Variants in LIPC observed in about 807,000 individuals in gnomAD.
The protein encoded by LIPC is hepatic triacylglycerol lipase.
A neutral mutation model predicts 50.7 loss-of-function variants in LIPC; 44 were observed. That is an observed-to-expected ratio of 0.87 (90% CI 0.68 to 1.11). The LOEUF is 1.11. Among genes scored for constraint, LIPC ranks in the 50% most tolerant of loss-of-function variants. LIPC has a pLI of 0.00. For synonymous variants in LIPC, 271 were observed against 256.4 expected, an observed-to-expected ratio of 1.06 and a Z score of -0.54; for missense variants, 697 against 648.2, an observed-to-expected ratio of 1.08 and a Z score of -0.82.
chr15:58,450,177 G>A (rs780526107), intron 1 of LIPC, among the ~76,000 whole-genome samples: 12 of 152,174 alleles, frequency 7.9e-5, no homozygotes, highest in Admixed American at 3.3e-4. Flanking sequence ...GGTCTTTCGC[G>A]TTTCTGAGCG....
rs111714545 is a variant in LIPC, at chr15:58,543,075, T to A, written c.574+424T>A. ...TCCACATTTGTGAAACGTGTATGTTTTAGTCTGGGACCCATTTGGGTTGAG... is the reference window on the plus strand; with the variant it reads ...TCCACATTTGTGAAACGTGTATGTTATAGTCTGGGACCCATTTGGGTTGAG... On this transcript the variant is annotated intron_variant, in intron 4 of 8. Coordinates refer to ENST00000299022, the MANE Select transcript of LIPC (RefSeq NM_000236.3). 4.4e-3 allele frequency among the ~76,000 whole-genome samples: 672 copies of A among 152,296 alleles called. 4 individuals carry two copies. Among genetic ancestry groups the A allele is most frequent in the African/African-American group, 0.015 (644 of 41,552 alleles).
chr15:58,550,113 C>G (rs1893691685), intron 6 of LIPC, among the ~76,000 whole-genome samples: 1 of 152,152 alleles, frequency 6.6e-6, no homozygotes, highest in Admixed American at 6.5e-5. Context: ...ACAAAAAGCT[C>G]TTGGCAGACC....
At chr15:58,499,791 G>A (rs1328520634) in intron 1 of LIPC, among the ~76,000 whole-genome samples, 2 of 152,220 alleles carry the variant, frequency 1.3e-5, no homozygotes, top group Non-Finnish European at 2.9e-5. Context: ...CCTGGTCTAA[G>A]TGAGGTTGGA....
At chr15:58,483,508 G>T (rs1282358083) in intron 1 of LIPC, among the ~76,000 whole-genome samples, 1 of 152,180 alleles carries the variant, frequency 6.6e-6, no homozygotes, top group Non-Finnish European at 1.5e-5. Context: ...GGTTGGAGAG[G>T]AGGCTGCTGT....
chr15:58,464,585 A>G (rs528915699), intron 1 of LIPC, among the ~76,000 whole-genome samples: 1 of 152,334 alleles, frequency 6.6e-6, no homozygotes, highest in Admixed American at 6.5e-5. Context: ...CTTGGGTAGT[A>G]GCCAATTTTC....
chr15:58,563,130 A>T lies in LIPC; in HGVS notation c.1170-375A>T, dbSNP rs376120629. On this transcript the variant is annotated intron_variant, in intron 7 of 8. Coordinates refer to ENST00000299022, the MANE Select transcript of LIPC (RefSeq NM_000236.3). Reference sequence around the variant, plus strand: ...TTGGGAGAGAGTGCATGCTGCAGGCATACTATGTTAAACCTACAGAGAGCT... The same window carrying T: ...TTGGGAGAGAGTGCATGCTGCAGGCTTACTATGTTAAACCTACAGAGAGCT... 2.6e-5 allele frequency among the ~76,000 whole-genome samples: 4 copies of T among 152,284 alleles called. No homozygotes were observed. In the South Asian group the frequency reaches 8.3e-4, roughly 32 times the overall value.
At chr15:58,456,556 G>T (rs922642235) in intron 1 of LIPC, among the ~76,000 whole-genome samples, 1 of 152,232 alleles carries the variant, frequency 6.6e-6, no homozygotes, top group Non-Finnish European at 1.5e-5. Flanking sequence ...GTGCTGGGGG[G>T]TGAATAGAGA....
chr15:58,461,887 A>T (rs145540531), intron 1 of LIPC, among the ~76,000 whole-genome samples: 153 of 149,376 alleles, frequency 1.0e-3, no homozygotes, highest in African/African-American at 3.7e-3. Context: ...TTCACACCTT[A>T]CTCTGTCCAC....
chr15:58,477,423 A>G (rs1432741695), intron 1 of LIPC, among the ~76,000 whole-genome samples: 1 of 152,234 alleles, frequency 6.6e-6, no homozygotes, highest in African/African-American at 2.4e-5. Flanking sequence ...TGTTAGGGAC[A>G]GAAATGAAAA....
intron 1 of LIPC, among the ~76,000 whole-genome samples, chr15:58,489,219 G>A (rs866390841): frequency 0.05 from 3,339 of 66,160 alleles, 1,058 homozygotes; most frequent in African/African-American, 0.2. Context: ...TTTTGTTGCG[G>A]GGGCGGGGGG....
chr15:58,513,920 A>G (rs1372200417), intron 1 of LIPC, among the ~76,000 whole-genome samples: 1 of 152,328 alleles, frequency 6.6e-6, no homozygotes, highest in Admixed American at 6.5e-5. Context: ...ACATCTCCCC[A>G]GCCTTTGCCA....
At chr15:58,500,752 C>T (rs1157085600) in intron 1 of LIPC, among the ~76,000 whole-genome samples, 4 of 137,888 alleles carry the variant, frequency 2.9e-5, no homozygotes, top group East Asian at 4.6e-4. Context: ...CCCCCCTCTC[C>T]CCCCACCACC....
intron 6 of LIPC, among the ~76,000 whole-genome samples, chr15:58,550,819 T>G (rs1215636423): frequency 1.4e-5 from 2 of 139,024 alleles, no homozygotes; most frequent in Non-Finnish European, 3.0e-5. Context: ...CTCCTTTTCT[T>G]TCTTACTTTT....
At position 58,514,212 on chromosome 15, in the gene LIPC, C is replaced by T. The variant is rs140506681; in HGVS notation, c.89-24121C>T. 2.2e-3 allele frequency among the ~76,000 whole-genome samples: 342 copies of T among 152,270 alleles called. 1 individual carries two copies. Among genetic ancestry groups the T allele is most frequent in the African/African-American group, 7.8e-3 (323 of 41,542 alleles). On this transcript the variant is annotated intron_variant, in intron 1 of 8. Transcript: ENST00000299022. ...CACTTTCTAGCTGTGTGGCTGAGCA[C>T]GCTTCTCGCCCTTTCTAAGTCTTGG...
intron 1 of LIPC, among the ~76,000 whole-genome samples, chr15:58,444,471 C>T (rs561169414): frequency 6.6e-6 from 1 of 152,284 alleles, no homozygotes; most frequent in East Asian, 1.9e-4. Flanking sequence ...GGACAGAGGA[C>T]CACAGACTGG....
At chr15:58,461,768 G>A (rs1327189291) in intron 1 of LIPC, among the ~76,000 whole-genome samples, 3 of 151,952 alleles carry the variant, frequency 2.0e-5, no homozygotes, top group Admixed American at 1.3e-4. Flanking sequence ...ATGTGCCGAA[G>A]AAAGGAACAA....
intron 1 of LIPC, among the ~76,000 whole-genome samples, chr15:58,453,708 C>A (rs1171878783): frequency 6.6e-6 from 1 of 151,790 alleles, no homozygotes; most frequent in Non-Finnish European, 1.5e-5. Context: ...CAAGACCAGC[C>A]TGGGCAATAT....
intron 1 of LIPC, among the ~76,000 whole-genome samples, chr15:58,478,247 T>A (rs543738736): frequency 6.6e-6 from 1 of 152,300 alleles, no homozygotes; most frequent in East Asian, 1.9e-4. Context: ...TTTTGTTAGT[T>A]TGTTTGTTTG....
At chr15:58,517,690 C>T (rs1167144821) in intron 1 of LIPC, among the ~76,000 whole-genome samples, 1 of 152,114 alleles carries the variant, frequency 6.6e-6, no homozygotes, top group Non-Finnish European at 1.5e-5. Flanking sequence ...GAAACCCTGC[C>T]GAAACTATTC....
Sources: gnomAD v4.1 joint callset for allele counts (sites outside exome capture counted in the v4.1 genomes callset) on GRCh38, gnomAD v4.1.1 for gene constraint, MANE v1.5 for transcripts, NCBI Gene and HGNC (gene_info 2026-07-23, HGNC 2026-07-21) for gene names.